The following TIAM2 variants were observed in gnomAD, a reference collection of about 807,000 sequenced individuals.
TIAM2 encodes the protein rho guanine nucleotide exchange factor TIAM2.
TIAM2 carries 80 observed loss-of-function variants against 152.9 expected under a neutral mutation model. That is an observed-to-expected ratio of 0.52 (90% CI 0.44 to 0.63). The LOEUF (loss-of-function observed/expected upper bound fraction) is 0.63. Ranked by LOEUF, TIAM2 falls within the 30% of genes least tolerant of loss-of-function variation. The probability of loss-of-function intolerance (pLI) is 0.00; values close to 1 mark genes in which losing one functional copy is unlikely to be tolerated. For missense variants in TIAM2, 1,965 were observed against 2,120.1 expected (o/e 0.93, Z 1.44); for synonymous variants, 804 against 838.0 (o/e 0.96, Z 0.70).
intron 14 of TIAM2, among the ~76,000 whole-genome samples, chr6:155,205,904 T>C (rs1300209153): frequency 6.6e-6 from 1 of 152,244 alleles, no homozygotes; most frequent in Non-Finnish European, 1.5e-5. Context: ...ATGATGTAAC[T>C]GTACATTTTG....
Position 155,097,580 on chromosome 6 carries a change from A to T in TIAM2, c.-118+7201A>T, listed in dbSNP as rs147709773. Among the ~76,000 whole-genome samples the T allele has an allele frequency of 8.5e-3, 1,288 of 152,242 alleles. 25 individuals carry two copies. The highest frequency in any genetic ancestry group is 0.029 in the African/African-American group (1,200 of 41,548). On this transcript the variant is annotated intron_variant, in intron 2 of 26. Coordinates refer to ENST00000682666, the MANE Select transcript of TIAM2 (RefSeq NM_012454.4). ...GGCCTCACACACCTGGCCTCAAGCG[A>T]TCCTCCTGCCTTGGCCCCCCAAAGT...
chr6:155,249,762 G>A (rs904864223), intron 20 of TIAM2, 89 bp from the exon 21 acceptor site: 4 of 1,132,706 alleles, frequency 3.5e-6, no homozygotes, highest in Non-Finnish European at 5.0e-6. Context: ...GGAATCCTGA[G>A]TTGAATCTTG....
intron 1 of TIAM2, among the ~76,000 whole-genome samples, chr6:155,070,579 C>T (rs1256242114): frequency 6.6e-6 from 1 of 152,034 alleles, no homozygotes; most frequent in Non-Finnish European, 1.5e-5. Flanking sequence ...AATCCTATAC[C>T]ATGTAGTCAG....
rs181001353 is a variant in TIAM2 at position 155,208,665 on chromosome 6, C to T, written c.3065-2539C>T. On this transcript the variant is annotated intron_variant, in intron 14 of 26. Coordinates refer to ENST00000682666, the MANE Select transcript of TIAM2 (RefSeq NM_012454.4). ...GGACATAGAAACCAGGCGTCTCCCT[C>T]GATGCCTCTCTTTTCTGTATCTTCT... 9.2e-5 allele frequency among the ~76,000 whole-genome samples: 14 copies of T among 152,298 alleles called. No homozygotes were observed. The East Asian group carries it at 1.9e-3, about 21-fold the overall frequency.
At chr6:155,157,439 T>C (rs1780148795) in intron 7 of TIAM2, among the ~76,000 whole-genome samples, 1 of 151,992 alleles carries the variant, frequency 6.6e-6, no homozygotes, top group Non-Finnish European at 1.5e-5. Flanking sequence ...GTATATTTCT[T>C]TTCTTTTTCT....
At chr6:155,197,553 T>A (rs1781375167) in intron 14 of TIAM2, among the ~76,000 whole-genome samples, 1 of 152,134 alleles carries the variant, frequency 6.6e-6, no homozygotes, top group Admixed American at 6.5e-5. Context: ...TGTATTGGTC[T>A]GTTCTTATGC....
chr6:155,111,450 A>G (rs1248481808), intron 2 of TIAM2, among the ~76,000 whole-genome samples: 1 of 152,172 alleles, frequency 6.6e-6, no homozygotes, highest in Non-Finnish European at 1.5e-5. Flanking sequence ...ACTAACAATA[A>G]CCATCACTTA....
chr6:155,067,760 A>T (rs1777733940), intron 1 of TIAM2, among the ~76,000 whole-genome samples: 1 of 151,972 alleles, frequency 6.6e-6, no homozygotes, highest in Non-Finnish European at 1.5e-5. Context: ...CCCACCTCTT[A>T]GCCTCCCAAG....
intron 12 of TIAM2, among the ~76,000 whole-genome samples, chr6:155,180,242 C>T (rs1023984778): frequency 6.6e-6 from 1 of 152,144 alleles, no homozygotes; most frequent in African/African-American, 2.4e-5. Flanking sequence ...GCCAAGATTG[C>T]ACCACTGTAC....
chr6:155,134,353 C>T (rs147954462), intron 4 of TIAM2, among the ~76,000 whole-genome samples: 262 of 152,058 alleles, frequency 1.7e-3, no homozygotes, highest in African/African-American at 6.2e-3. Flanking sequence ...AGAGTTCATA[C>T]CTATGTATAA....
intron 15 of TIAM2, among the ~76,000 whole-genome samples, chr6:155,235,789 T>G (rs77370506): frequency 6.6e-6 from 1 of 152,348 alleles, no homozygotes; most frequent in South Asian, 2.1e-4. Flanking sequence ...TTTTGGGAGT[T>G]AATCTTACCA....
At chr6:155,015,895 C>T (rs2114854128) in intron 1 of TIAM2, among the ~76,000 whole-genome samples, 1 of 144,478 alleles carries the variant, frequency 6.9e-6, no homozygotes, top group East Asian at 2.1e-4. Context: ...CAAGATGGCA[C>T]CACTACACTC....
At chr6:155,173,195 G>GTCTGTC (rs67810818) in intron 9 of TIAM2, among the ~76,000 whole-genome samples, 1,456 of 138,260 alleles carry the variant, frequency 0.011, 30 homozygotes, top group African/African-American at 0.04. Context: ...GTGTGTGTGT[G>GTCTGTC]TGTGTGTCTG....
At chr6:155,154,508 C>T (rs1780058490) in intron 7 of TIAM2, among the ~76,000 whole-genome samples, 1 of 152,196 alleles carries the variant, frequency 6.6e-6, no homozygotes, top group Non-Finnish European at 1.5e-5. Flanking sequence ...CAGATCACAC[C>T]GCCATCCACA....
At chr6:155,228,979 C>G (rs375271453) in intron 15 of TIAM2, among the ~76,000 whole-genome samples, 3 of 152,240 alleles carry the variant, frequency 2.0e-5, no homozygotes, top group African/African-American at 7.2e-5. Context: ...GGATTTGCCA[C>G]TTGGGACATG....
rs144223678 is a variant in TIAM2 at position 155,193,834 on chromosome 6, C to T, written c.3064+10334C>T. On this transcript the variant is annotated intron_variant, in intron 14 of 26. Transcript: ENST00000682666. ...CAATGAAGAGCGCAATGGTGCTGAG[C>T]ACAGTTTGGTGTTCCTGCCTTATTT... Among the ~76,000 whole-genome samples, 1,033 of 152,340 alleles carry T rather than the reference C, an allele frequency of 6.8e-3. 13 individuals are homozygous for T. The highest frequency in any genetic ancestry group is 7.4e-3 in the Non-Finnish European group (503 of 68,038).
chr6:155,047,223 G>A (rs9371851), intron 1 of TIAM2, among the ~76,000 whole-genome samples: 78,600 of 152,076 alleles, frequency 0.52, 20,584 homozygotes, highest in African/African-American at 0.55. Flanking sequence ...CGCCCAGGCT[G>A]TATGTAGTGC....
intron 2 of TIAM2, among the ~76,000 whole-genome samples, chr6:155,114,009 TTACTTTATA>T (rs1169926121): frequency 8.9e-6 from 1 of 111,970 alleles, no homozygotes; most frequent in African/African-American, 3.3e-5. Flanking sequence ...ATTTTATACT[TTACTTTATA>T]TATATATATA....
intron 1 of TIAM2, among the ~76,000 whole-genome samples, chr6:155,043,577 TAA>T (rs1777094175): frequency 7.4e-6 from 1 of 134,234 alleles, no homozygotes; most frequent in Non-Finnish European, 1.5e-5. Context: ...GAGGCTGCAG[TAA>T]GCAGCGATTG....
Sources: allele counts gnomAD v4.1 joint callset (sites outside exome capture counted in the v4.1 genomes callset), GRCh38; gene constraint gnomAD v4.1.1; transcripts MANE v1.5; gene names NCBI Gene and HGNC (gene_info 2026-07-23, HGNC 2026-07-21).